The following NKAIN2 variants were observed in gnomAD, a reference collection of about 807,000 sequenced individuals.
The protein encoded by NKAIN2 is sodium/potassium transporting ATPase interacting 2.
In NKAIN2, 14 loss-of-function variants were observed where a neutral mutation model predicts 32.6. The observed-to-expected ratio is 0.43, with a 90% CI of 0.28 to 0.67. The LOEUF (loss-of-function observed/expected upper bound fraction) is 0.67, where lower values mean the gene tolerates loss of function less well. Ranked by LOEUF, NKAIN2 falls within the 30% of genes least tolerant of loss-of-function variation. The pLI is 0.17. For synonymous variants in NKAIN2, 80 were observed against 87.2 expected (o/e 0.92, Z 0.46); for missense variants, 198 against 258.3 (o/e 0.77, Z 1.60).
intron 1 of NKAIN2, among the ~76,000 whole-genome samples, chr6:123,977,758 C>A (rs977257019): frequency 1.3e-5 from 2 of 152,102 alleles, no homozygotes; most frequent in Non-Finnish European, 2.9e-5. Flanking sequence ...AGATATTTTT[C>A]ATAAATTTAG....
At chr6:124,103,348 T>A (rs1784976542) in intron 1 of NKAIN2, among the ~76,000 whole-genome samples, 1 of 152,224 alleles carries the variant, frequency 6.6e-6, no homozygotes, top group African/African-American at 2.4e-5. Context: ...CATTTCCCCA[T>A]GTTCACATTA....
chr6:124,585,052 C>T (rs1392775823), intron 3 of NKAIN2, among the ~76,000 whole-genome samples: 1 of 152,164 alleles, frequency 6.6e-6, no homozygotes, highest in Admixed American at 6.5e-5. Flanking sequence ...TATTTTGAAG[C>T]AACCTAAGTG....
intron 2 of NKAIN2, among the ~76,000 whole-genome samples, chr6:124,325,505 C>T (rs967713030): frequency 2.0e-5 from 3 of 151,884 alleles, no homozygotes; most frequent in African/African-American, 7.3e-5. Context: ...AATTGTAATA[C>T]CCATCAACTG....
chr6:124,046,452 G>A (rs190044526), intron 1 of NKAIN2, among the ~76,000 whole-genome samples: 20 of 151,994 alleles, frequency 1.3e-4, no homozygotes, highest in Non-Finnish European at 2.4e-4. Context: ...AACATTCACC[G>A]ATAAATAAAC....
At chr6:123,966,304 C>T (rs1778077846) in intron 1 of NKAIN2, among the ~76,000 whole-genome samples, 1 of 152,138 alleles carries the variant, frequency 6.6e-6, no homozygotes, top group Non-Finnish European at 1.5e-5. Flanking sequence ...TTCCCTCCTG[C>T]ATTTACTCAA....
intron 3 of NKAIN2, among the ~76,000 whole-genome samples, chr6:124,458,665 A>G (rs1202314222): frequency 6.6e-6 from 1 of 151,902 alleles, no homozygotes; most frequent in African/African-American, 2.4e-5. Context: ...GTCAGGTAAC[A>G]TGAGCAGAAT....
At chr6:124,819,017 G>C (rs1004759110) in intron 6 of NKAIN2, 2 of 215,318 alleles carry the variant, frequency 9.3e-6, no homozygotes, top group South Asian at 1.7e-4. Flanking sequence ...GAAATTTATC[G>C]AACCCTTAAC....
chr6:124,166,348 A>C (rs566875213), intron 1 of NKAIN2, among the ~76,000 whole-genome samples: 2 of 152,156 alleles, frequency 1.3e-5, no homozygotes, highest in African/African-American at 4.8e-5. Flanking sequence ...TCCTTCGCCC[A>C]CTTGTTGATG....
intron 3 of NKAIN2, among the ~76,000 whole-genome samples, chr6:124,535,067 G>C (rs536674046): frequency 1.8e-4 from 28 of 152,170 alleles, no homozygotes; most frequent in Non-Finnish European, 3.8e-4. Flanking sequence ...CTTCTTTATG[G>C]AATAATGGCA....
At chr6:123,909,031 CTCA>C in intron 1 of NKAIN2, among the ~76,000 whole-genome samples, 1 of 152,274 alleles carries the variant, frequency 6.6e-6, no homozygotes, top group East Asian at 1.9e-4. Flanking sequence ...ATTAACCTGA[CTCA>C]TCAATTAGCT....
intron 3 of NKAIN2, among the ~76,000 whole-genome samples, chr6:124,646,306 A>T (rs948672547): frequency 2.0e-5 from 3 of 152,158 alleles, no homozygotes; most frequent in African/African-American, 4.8e-5. Flanking sequence ...TAAAAATTTT[A>T]AAATAGTTCA....
intron 1 of NKAIN2, among the ~76,000 whole-genome samples, chr6:123,858,949 C>T (rs1775669483): frequency 1.3e-5 from 2 of 152,068 alleles, no homozygotes; most frequent in African/African-American, 4.8e-5. Flanking sequence ...AGATTTTGGA[C>T]ATATCTTCTT....
chr6:124,098,315 A>T (rs553875138), intron 1 of NKAIN2, among the ~76,000 whole-genome samples: 41 of 152,336 alleles, frequency 2.7e-4, no homozygotes, highest in Non-Finnish European at 5.4e-4. Flanking sequence ...GACAGGGATC[A>T]TGCATTATTT....
intron 4 of NKAIN2, among the ~76,000 whole-genome samples, chr6:124,733,765 ATATT>A (rs1341125059): frequency 6.6e-6 from 1 of 151,784 alleles, no homozygotes; most frequent in African/African-American, 2.4e-5. Context: ...GTAAATATAT[ATATT>A]TACATAGAAA....
rs187478445 is a variant in NKAIN2, at chr6:124,013,840, A to G, written c.54+209586A>G. 1.8e-3 allele frequency among the ~76,000 whole-genome samples: 274 copies of G among 152,276 alleles called. 3 individuals are homozygous for G. Among genetic ancestry groups the G allele is most frequent in the Admixed American group, 0.015 (228 of 15,274 alleles). ...GAGAGATGTGGCCTTTCTGGCTTTG[A>G]AAAGGGTAGAAGGTTCACAAGCCAA... is the stretch of plus-strand genomic sequence containing the variant. On this transcript the variant is annotated intron_variant, in intron 1 of 6. Coordinates refer to ENST00000368417, the MANE Select transcript of NKAIN2 (RefSeq NM_001040214.3).
At chr6:124,386,747 C>T (rs1772917429) in intron 3 of NKAIN2, among the ~76,000 whole-genome samples, 1 of 152,150 alleles carries the variant, frequency 6.6e-6, no homozygotes, top group Admixed American at 6.6e-5. Context: ...AAATTCTCTT[C>T]TCACAAATCT....
intron 1 of NKAIN2, among the ~76,000 whole-genome samples, chr6:124,262,391 C>T (rs1052772307): frequency 6.6e-6 from 1 of 152,216 alleles, no homozygotes; most frequent in South Asian, 2.1e-4. Context: ...GGAAGGGCTA[C>T]TCATCTCTCT....
intron 1 of NKAIN2, among the ~76,000 whole-genome samples, chr6:124,178,948 T>A (rs1433150969): frequency 6.6e-6 from 1 of 152,224 alleles, no homozygotes; most frequent in Non-Finnish European, 1.5e-5. Context: ...CTATCCTTAA[T>A]GAGAGAATGT....
intron 1 of NKAIN2, among the ~76,000 whole-genome samples, chr6:124,217,574 T>G (rs138166800): frequency 4.7e-4 from 72 of 152,250 alleles, no homozygotes; most frequent in African/African-American, 1.7e-3. Flanking sequence ...TTTTGTTTTG[T>G]TGATTTGTTT....
Sources: allele counts gnomAD v4.1 joint callset (sites outside exome capture counted in the v4.1 genomes callset), GRCh38; gene constraint gnomAD v4.1.1; transcripts MANE v1.5; gene names NCBI Gene and HGNC (gene_info 2026-07-23, HGNC 2026-07-21).